The following HBS1L variants were observed in gnomAD, a reference collection of about 807,000 sequenced individuals.
HBS1L encodes the protein HBS1-like protein.
In HBS1L, 55 loss-of-function variants were observed where a neutral mutation model predicts 88.9. That is an observed-to-expected ratio of 0.62 (90% CI 0.50 to 0.77). HBS1L has a LOEUF of 0.77. Ranked by LOEUF, HBS1L falls within the 30% of genes least tolerant of loss-of-function variation. HBS1L has a pLI of 0.00. For missense variants in HBS1L, 741 were observed against 829.3 expected (o/e 0.89, Z 1.31); for synonymous variants, 267 against 288.5 (o/e 0.93, Z 0.76).
intron 4 of HBS1L, among the ~76,000 whole-genome samples, chr6:135,025,605 C>T (rs982832124): frequency 4.6e-5 from 7 of 152,176 alleles, no homozygotes; most frequent in African/African-American, 1.4e-4. Flanking sequence ...CCACACCCCT[C>T]CCATTATTCT....
rs1477207850 is a variant in HBS1L, at chr6:134,965,110, T to G, written c.*169A>C. The G allele has an allele frequency of 9.3e-6, 6 of 642,126 alleles. No individual in the cohort carries two copies. In the Admixed American group the frequency reaches 1.9e-4, roughly 20 times the overall value. 39.8% of individuals were successfully genotyped at this position (642,126 alleles called of 1,614,324 possible). A position where few individuals can be genotyped will look rare whatever the true frequency, so the allele number is the denominator to read the frequency against. On this transcript the variant is annotated 3_prime_UTR_variant, in exon 18 of 18. Coordinates refer to ENST00000367837, the MANE Select transcript of HBS1L (RefSeq NM_006620.4). ...TTGCCAGTTGGCAACTTAGAATTTT[T>G]GCAGAGGTGATTATTAATACTTCTT...
Position 135,042,103 on chromosome 6 carries a change from G to A in HBS1L, c.133C>T (p.Arg45Cys), listed in dbSNP as rs368254206. ...ACAGGCTCAACGGAAGGTTTGTCAC[G>A]CCGTGAATAAATAAACTGAGCAGCT... Reference protein sequence around the residue: ...STAAQFIYSRRDKPSVEPVEE... With the variant: ...STAAQFIYSRCDKPSVEPVEE... The change falls in exon 3 of 18, where the codon CGT (arginine) becomes TGT (cysteine). Residue 45 changes from arginine (R) to cysteine (C), a missense_variant. Transcript: ENST00000367837. 8.5e-5 allele frequency: 137 copies of A among 1,612,464 alleles called. No individual in the cohort carries two copies. Among genetic ancestry groups the A allele is most frequent in the Non-Finnish European group, 1.1e-4 (126 of 1,179,114 alleles).
chr6:135,000,111 C>T (rs1562289159), intron 5 of HBS1L, among the ~76,000 whole-genome samples: 4 of 151,488 alleles, frequency 2.6e-5, no homozygotes, highest in Non-Finnish European at 5.9e-5. Flanking sequence ...CAGGCTGGAG[C>T]GCAGTGGTAC....
chr6:135,027,776 A>ATTT (rs3071559), intron 4 of HBS1L, among the ~76,000 whole-genome samples: 263 of 149,382 alleles, frequency 1.8e-3, no homozygotes, highest in South Asian at 2.5e-3. Context: ...ATAAAAACTC[A>ATTT]TTTTTTTTTT....
chr6:135,044,338 A>G (rs1313590645), intron 2 of HBS1L, among the ~76,000 whole-genome samples: 2 of 152,160 alleles, frequency 1.3e-5, no homozygotes, highest in African/African-American at 4.8e-5. Context: ...TTAGTATATA[A>G]TTCTGAAGAC....
intron 5 of HBS1L, among the ~76,000 whole-genome samples, chr6:135,002,470 G>GT (rs1004461133): frequency 1.1e-4 from 16 of 152,184 alleles, no homozygotes; most frequent in African/African-American, 3.6e-4. Context: ...AAATCATAGG[G>GT]TTTTTTATGT....
chr6:135,051,953 C>T (rs1777099787), intron 1 of HBS1L, among the ~76,000 whole-genome samples: 1 of 152,142 alleles, frequency 6.6e-6, no homozygotes, highest in African/African-American at 2.4e-5. Context: ...ATTACAAAAC[C>T]ATGTGACAAG....
rs60490013 is a variant in HBS1L at position 134,991,064 on chromosome 6, T to TACACAC, written c.1083+2688_1083+2693dup. Among the ~76,000 whole-genome samples, 17 of 148,990 alleles carry TACACAC rather than the reference T, an allele frequency of 1.1e-4. 1 individual carries two copies. The highest frequency in any genetic ancestry group is 4.2e-4 in the African/African-American group (17 of 40,012). On this transcript the variant is annotated intron_variant, in intron 8 of 17. Coordinates refer to ENST00000367837, the MANE Select transcript of HBS1L (RefSeq NM_006620.4). ...AAAAAAAGAAAAAGACTCACAGACATACACACACACACACACACATATACA... is the reference window on the plus strand; with the variant it reads ...AAAAAAAGAAAAAGACTCACAGACATACACACACACACACACACACACACATATACA...
rs1022152556 is a variant in HBS1L, at chr6:135,004,126, A to T, written c.431-1284T>A. ...AATATAAGAAAAGATAAGTTAATGTATAAAATTCATTTAAAATGTTTGCTA... is the reference window on the plus strand; with the variant it reads ...AATATAAGAAAAGATAAGTTAATGTTTAAAATTCATTTAAAATGTTTGCTA... On this transcript the variant is annotated intron_variant, in intron 4 of 17. Coordinates refer to ENST00000367837, the MANE Select transcript of HBS1L (RefSeq NM_006620.4). Among the ~76,000 whole-genome samples, 3 of 152,298 alleles carry T rather than the reference A, an allele frequency of 2.0e-5. No homozygotes were observed. The East Asian group carries it at 5.8e-4, about 29-fold the overall frequency.
At chr6:135,048,308 T>G (rs1313860913) in intron 2 of HBS1L, among the ~76,000 whole-genome samples, 2 of 152,296 alleles carry the variant, frequency 1.3e-5, no homozygotes, top group East Asian at 3.9e-4. Context: ...CAGAACCAGC[T>G]TCAATTTGCC....
rs113801496 is a variant in HBS1L at position 134,966,357 on chromosome 6, G to T, written c.2015C>A (p.Ser672Tyr). Residue 672 changes from serine to tyrosine, a missense_variant, in exon 17 of 18, where the codon TCT becomes TAT. Around this residue, in one of 3 missense-constraint regions of HBS1L, gnomAD observed 181 missense variants for 212.7 expected, o/e 0.85. Transcript: ENST00000367837. ...AGTGACAACACCAGCAGCTATTGTA[G>T]AACCACCGTAACGTAGCATGAACCT... ...LGRFMLRYGGSTIAAGVVTEI... is the reference protein window; with the variant it reads ...LGRFMLRYGGYTIAAGVVTEI... 4.0e-5 allele frequency: 65 copies of T among 1,611,890 alleles called. No individual in the cohort carries two copies. The African/African-American group carries it at 8.0e-4, about 20-fold the overall frequency.
At chr6:135,007,666 A>G (rs1393109268) in intron 4 of HBS1L, among the ~76,000 whole-genome samples, 1 of 152,196 alleles carries the variant, frequency 6.6e-6, no homozygotes, top group Non-Finnish European at 1.5e-5. Flanking sequence ...CATAAGTCAG[A>G]AAGGAACTCA....
intron 4 of HBS1L, among the ~76,000 whole-genome samples, chr6:135,024,478 A>G (rs1287330892): frequency 6.8e-6 from 1 of 146,408 alleles, no homozygotes; most frequent in African/African-American, 2.5e-5. Flanking sequence ...AACAAGAATG[A>G]TGTATGAATT....
rs1456287579 is a variant in HBS1L at position 135,035,394 on chromosome 6, G to A, written c.430+4179C>T. Among the ~76,000 whole-genome samples, 13 of 151,526 alleles carry A rather than the reference G, an allele frequency of 8.6e-5. No homozygotes were observed. In the South Asian group the frequency reaches 1.7e-3, roughly 19 times the overall value. ...GAACCCGGGAGGCGGAGGCTGCAGTGAGCGTCACTGCACTCCAGCCTGGCG... is the reference window on the plus strand; with the variant it reads ...GAACCCGGGAGGCGGAGGCTGCAGTAAGCGTCACTGCACTCCAGCCTGGCG... On this transcript the variant is annotated intron_variant, in intron 4 of 17. Coordinates refer to ENST00000367837, the MANE Select transcript of HBS1L (RefSeq NM_006620.4).
chr6:134,961,090 C>CTTTTTTT lies in HBS1L; in HGVS notation c.*4182_*4188dup, dbSNP rs58274929. ...TTGCTGTACAGACTTAGTTTCTTTG[C>CTTTTTTT]TTTTTTTTTTTTTTTTTTTGCATTG... On this transcript the variant is annotated 3_prime_UTR_variant, in exon 18 of 18. Coordinates refer to ENST00000367837, the MANE Select transcript of HBS1L (RefSeq NM_006620.4). 107 of 106,232 alleles carry CTTTTTTT rather than the reference C, an allele frequency of 1.0e-3. 1 individual carries two copies. The highest frequency in any genetic ancestry group is 1.3e-3 in the African/African-American group (36 of 27,520). 6.6% of individuals were successfully genotyped at this position (106,232 alleles called of 1,614,324 possible). A position where few individuals can be genotyped will look rare whatever the true frequency, so the allele number is the denominator to read the frequency against.
chr6:135,036,924 A>G (rs1419442801), intron 4 of HBS1L: 1 of 1,551,692 alleles, frequency 6.4e-7, no homozygotes, highest in Non-Finnish European at 8.7e-7. Flanking sequence ...ATGATGGAGC[A>G]ATGGATGGGT....
At chr6:135,050,328 C>T (rs575999475) in intron 2 of HBS1L, among the ~76,000 whole-genome samples, 27 of 152,276 alleles carry the variant, frequency 1.8e-4, no homozygotes, top group South Asian at 4.1e-4. Context: ...TTTAGATTAA[C>T]TGCATGATGC....
chr6:135,016,503 C>T (rs994423597), intron 4 of HBS1L, among the ~76,000 whole-genome samples: 1 of 151,932 alleles, frequency 6.6e-6, no homozygotes. Context: ...CTGTGAATGC[C>T]GATTTGGGGA....
chr6:135,009,162 C>T (rs1271308021), intron 4 of HBS1L, among the ~76,000 whole-genome samples: 1 of 152,150 alleles, frequency 6.6e-6, no homozygotes, highest in Non-Finnish European at 1.5e-5. Flanking sequence ...TCCTACATTT[C>T]TTTAGAGAAA....
Sources: gnomAD v4.1 joint callset for allele counts (sites outside exome capture counted in the v4.1 genomes callset) on GRCh38, gnomAD v4.1.1 for gene constraint, gnomAD v4.1.1 regional missense constraint, MANE v1.5 for transcripts, NCBI Gene and HGNC (gene_info 2026-07-23, HGNC 2026-07-21) for gene names.